MOXD1: variants seen among roughly 807,000 people sequenced by gnomAD.
The protein encoded by MOXD1 is DBH-like monooxygenase protein 1.
In MOXD1, 62 loss-of-function variants were observed where a neutral mutation model predicts 66.6. That is an observed-to-expected ratio of 0.93 (90% CI 0.76 to 1.15). The LOEUF (loss-of-function observed/expected upper bound fraction) is 1.15. MOXD1 is among the 50% of genes most tolerant of loss of function. The pLI, the probability that MOXD1 is intolerant of heterozygous loss-of-function variation, is 0.00. For synonymous variants in MOXD1, 303 were observed against 281.9 expected (o/e 1.07, Z -0.75); for missense variants, 847 against 754.6 (o/e 1.12, Z -1.44).
At position 132,315,595 on chromosome 6, in the gene MOXD1, GAAATACGTTACCCCATCATA is replaced by G. The variant is rs1378673110; in HGVS notation, c.1508+20_1508+39del. The stretch of plus-strand genomic sequence containing the variant: ...ATGACAATAAAGCCCATCTTTCTCT[GAAATACGTTACCCCATCATA>G]AAATACATTTACTACTTACGTGACT... On this transcript the variant is annotated intron_variant, in intron 10 of 11. Coordinates refer to ENST00000367963, the MANE Select transcript of MOXD1 (RefSeq NM_015529.4). The G allele has an allele frequency of 1.6e-5, 25 of 1,571,496 alleles. No individual in the cohort carries two copies. In the Admixed American group the frequency reaches 4.7e-4, roughly 29 times the overall value.
At chr6:132,307,804 G>A (rs113871038) in intron 10 of MOXD1, among the ~76,000 whole-genome samples, 3,240 of 152,088 alleles carry the variant, frequency 0.021, 109 homozygotes, top group African/African-American at 0.073. Flanking sequence ...CAGAAATCAA[G>A]TTCTTTGAAA....
At chr6:132,346,955 A>C (rs1243881540) in intron 4 of MOXD1, among the ~76,000 whole-genome samples, 1 of 152,250 alleles carries the variant, frequency 6.6e-6, no homozygotes, top group Non-Finnish European at 1.5e-5. Context: ...GATCTAAGCC[A>C]CAATTGGATC....
At chr6:132,368,262 TAA>T (rs1776185355) in intron 4 of MOXD1, among the ~76,000 whole-genome samples, 1 of 151,974 alleles carries the variant, frequency 6.6e-6, no homozygotes, top group African/African-American at 2.4e-5. Flanking sequence ...AAATTTACGG[TAA>T]AGTCACATCT....
intron 10 of MOXD1, among the ~76,000 whole-genome samples, chr6:132,306,929 T>C (rs530107308): frequency 9.9e-5 from 15 of 152,276 alleles, no homozygotes; most frequent in Middle Eastern, 6.8e-3. Flanking sequence ...TAAAGACCAA[T>C]GACACTATGA....
chr6:132,391,078 C>T (rs570281345), intron 1 of MOXD1: 9 of 151,372 alleles, frequency 5.9e-5, no homozygotes, highest in African/African-American at 1.9e-4. Context: ...TGGCCCAATA[C>T]GCCATTTAAT....
intron 9 of MOXD1, among the ~76,000 whole-genome samples, chr6:132,316,493 T>A (rs1371625371): frequency 6.6e-6 from 1 of 152,060 alleles, no homozygotes; most frequent in Non-Finnish European, 1.5e-5. Flanking sequence ...CATGCTCAAG[T>A]AGTTAAAGGC....
At chr6:132,322,495 G>T (rs1239825799) in intron 8 of MOXD1, among the ~76,000 whole-genome samples, 184 bp downstream of exon 8, 1 of 152,174 alleles carries the variant, frequency 6.6e-6, no homozygotes, top group Non-Finnish European at 1.5e-5. Context: ...AGAAAAATGA[G>T]TTTCAATTTT....
intron 10 of MOXD1, among the ~76,000 whole-genome samples, chr6:132,306,748 T>G (rs1413625816): frequency 1.3e-5 from 2 of 152,212 alleles, no homozygotes; most frequent in Non-Finnish European, 2.9e-5. Flanking sequence ...CAGAATTTCA[T>G]ATCCAGCAAA....
chr6:132,381,371 T>C lies in MOXD1; in HGVS notation c.265-6594A>G, dbSNP rs1250912992. ...ACATGGACTGTAATCAAACACAGCC[T>C]TAATGCTGTCAATATTATACAACAG... On this transcript the variant is annotated intron_variant, in intron 1 of 11. Coordinates refer to ENST00000367963, the MANE Select transcript of MOXD1 (RefSeq NM_015529.4). Among the ~76,000 whole-genome samples the C allele has an allele frequency of 2.0e-5, 3 of 152,192 alleles. No homozygotes were observed. The East Asian group carries it at 5.8e-4, about 29-fold the overall frequency.
At chr6:132,326,858 T>A (rs190307959) in intron 6 of MOXD1, among the ~76,000 whole-genome samples, 3 of 152,200 alleles carry the variant, frequency 2.0e-5, no homozygotes, top group Admixed American at 2.0e-4. Context: ...TATAGAAACA[T>A]CACTCTTTAA....
rs182207929 is a variant in MOXD1, at chr6:132,352,043, C to A, written c.663+20565G>T. Among the ~76,000 whole-genome samples, 9 of 152,212 alleles carry A rather than the reference C, an allele frequency of 5.9e-5. No homozygotes were observed. The East Asian group carries it at 1.7e-3, about 29-fold the overall frequency. On this transcript the variant is annotated intron_variant, in intron 4 of 11. Coordinates refer to ENST00000367963, the MANE Select transcript of MOXD1 (RefSeq NM_015529.4). ...CTTCTAGGTTAATCTTGTTAATGGT[C>A]TATCAACTTTATTTATCTTTTCAAA... is the stretch of plus-strand genomic sequence containing the variant.
chr6:132,398,135 G>A (rs1776938358), intron 1 of MOXD1, among the ~76,000 whole-genome samples: 1 of 152,090 alleles, frequency 6.6e-6, no homozygotes, highest in African/African-American at 2.4e-5. Context: ...ACTTATAAGT[G>A]AGAACATGCA....
At chr6:132,322,274 A>G (rs772369099) in intron 8 of MOXD1, among the ~76,000 whole-genome samples, 2 of 152,218 alleles carry the variant, frequency 1.3e-5, no homozygotes, top group Non-Finnish European at 2.9e-5. Context: ...ATTCCTTTTT[A>G]CTAAAATGAA....
Position 132,312,771 on chromosome 6 carries a change from G to C in MOXD1, c.1508+2864C>G, listed in dbSNP as rs143446765. The stretch of plus-strand genomic sequence containing the variant: ...GTGGAGCTCATTGGGAAACAGGAGA[G>C]CCGAACATTTTTAGAGGCTTCATAC... On this transcript the variant is annotated intron_variant, in intron 10 of 11. Coordinates refer to ENST00000367963, the MANE Select transcript of MOXD1 (RefSeq NM_015529.4). Among the ~76,000 whole-genome samples the C allele has an allele frequency of 3.8e-4, 58 of 150,860 alleles. 1 individual carries two copies. In the East Asian group the frequency reaches 0.011, roughly 29 times the overall value.
chr6:132,345,394 A>G (rs1353960997), intron 4 of MOXD1, among the ~76,000 whole-genome samples: 1 of 152,168 alleles, frequency 6.6e-6, no homozygotes, highest in Non-Finnish European at 1.5e-5. Flanking sequence ...CTCACAGAAT[A>G]AATTGGTAAG....
Position 132,297,968 on chromosome 6 carries a change from GAC to G in MOXD1, c.1509-15_1509-14del, listed in dbSNP as rs760844798. The G allele has an allele frequency of 2.3e-5, 36 of 1,599,636 alleles. 1 individual carries two copies. Among genetic ancestry groups the G allele is most frequent in the African/African-American group, 5.4e-5 (4 of 74,018 alleles). ...GAAAGGCCAGGTCCTGAATTTAAAA[GAC>G]ACAGTTAGTCATATTCAGAACAAAT... is the stretch of plus-strand genomic sequence containing the variant. On this transcript the variant is annotated splice_polypyrimidine_tract_variant and intron_variant, in intron 10 of 11. Transcript: ENST00000367963.
At chr6:132,372,087 C>T (rs17792959) in intron 4 of MOXD1, among the ~76,000 whole-genome samples, 28,916 of 152,084 alleles carry the variant, frequency 0.19, 2,845 homozygotes, top group South Asian at 0.28. Flanking sequence ...AATTGTATTG[C>T]ACAGGCAAAT....
At chr6:132,393,697 T>C (rs971472390) in intron 1 of MOXD1, among the ~76,000 whole-genome samples, 1 of 152,136 alleles carries the variant, frequency 6.6e-6, no homozygotes, top group Non-Finnish European at 1.5e-5. Context: ...TGTGCCATTA[T>C]GAAAGCCCCG....
Position 132,328,418 on chromosome 6 carries a change from T to G in MOXD1, c.840A>C (p.Gly280=), listed in dbSNP as rs1432350075. 2 of 1,613,958 alleles carry G rather than the reference T, an allele frequency of 1.2e-6. No individual in the cohort carries two copies. Residue 280 remains glycine, a synonymous_variant, in exon 5 of 12, where the codon GGA becomes GGC. Coordinates refer to ENST00000367963, the MANE Select transcript of MOXD1 (RefSeq NM_015529.4). ...TCTCAGTAATCATTAGCCCCACCTCTCCACCAATAGCCCAGGCAAAAATCA... is the reference window on the plus strand; with the variant it reads ...TCTCAGTAATCATTAGCCCCACCTCGCCACCAATAGCCCAGGCAAAAATCA... ...ETVIFAWAIG[G]EGFSYPPHVG...
Sources: allele counts gnomAD v4.1 joint callset (sites outside exome capture counted in the v4.1 genomes callset), GRCh38; gene constraint gnomAD v4.1.1; transcripts MANE v1.5; gene names NCBI Gene and HGNC (gene_info 2026-07-23, HGNC 2026-07-21).